HSPA4L: variants seen among roughly 807,000 people sequenced by gnomAD.
The protein encoded by HSPA4L is heat shock 70 kDa protein 4L.
HSPA4L carries 48 observed loss-of-function variants against 100.3 expected under a neutral mutation model. That is an observed-to-expected ratio of 0.48 (90% CI 0.38 to 0.61). The LOEUF (loss-of-function observed/expected upper bound fraction) is 0.61, where lower values mean the gene tolerates loss of function less well. HSPA4L is among the 20% of genes least tolerant of loss of function. The pLI is 0.00. For synonymous variants in HSPA4L, 319 were observed against 328.2 expected (o/e 0.97, Z 0.30); for missense variants, 886 against 988.6 (o/e 0.90, Z 1.39).
At chr4:127,801,939 T>C (rs745848705) in intron 6 of HSPA4L, 21 bp downstream of exon 6, 2 of 1,573,284 alleles carry the variant, frequency 1.3e-6, no homozygotes, top group Non-Finnish European at 1.7e-6. Context: ...ACATGGTTTG[T>C]TATATTTACA....
chr4:127,825,753 C>T (rs1213485992), intron 16 of HSPA4L, among the ~76,000 whole-genome samples: 2 of 151,776 alleles, frequency 1.3e-5, no homozygotes, highest in Admixed American at 1.3e-4. Flanking sequence ...GGTGAAATCC[C>T]ATTTCTACTA....
chr4:127,790,810 G>A (rs1732853857), intron 1 of HSPA4L, among the ~76,000 whole-genome samples: 1 of 152,136 alleles, frequency 6.6e-6, no homozygotes, highest in Non-Finnish European at 1.5e-5. Flanking sequence ...AAAAGCATAT[G>A]AGCTACATAG....
intron 16 of HSPA4L, among the ~76,000 whole-genome samples, chr4:127,825,118 C>T (rs1469150719): frequency 6.1e-5 from 9 of 148,678 alleles, no homozygotes; most frequent in South Asian, 2.1e-4. Flanking sequence ...CCAGCCTGGG[C>T]GACAGAATGA....
intron 3 of HSPA4L, among the ~76,000 whole-genome samples, chr4:127,797,748 C>A (rs562810309): frequency 6.6e-6 from 1 of 151,916 alleles, no homozygotes; most frequent in Non-Finnish European, 1.5e-5. Context: ...ATTACAGGCA[C>A]CTGCCACCAC....
intron 1 of HSPA4L, among the ~76,000 whole-genome samples, chr4:127,791,928 T>C (rs914635542): frequency 1.3e-5 from 2 of 152,218 alleles, no homozygotes; most frequent in African/African-American, 4.8e-5. Flanking sequence ...AACCATGTTT[T>C]CTTTCATTAT....
chr4:127,836,856 G>C lies in HSPA4L; in HGVS notation c.*3982G>C, dbSNP rs1158397741. On this transcript the variant is annotated 3_prime_UTR_variant, in exon 19 of 19. Coordinates refer to ENST00000296464, the MANE Select transcript of HSPA4L (RefSeq NM_014278.4). ...TTGGTAGTCCACAATTAAAGTCATT[G>C]CATTAATTTTACAAATTATAGATTT... is the stretch of plus-strand genomic sequence containing the variant. The C allele has an allele frequency of 6.6e-6, 1 of 152,018 alleles. No homozygotes were observed. The highest frequency in any genetic ancestry group is 1.5e-5 in the Non-Finnish European group (1 of 68,002). 9.4% of individuals were successfully genotyped at this position (152,018 alleles called of 1,614,324 possible).
chr4:127,796,402 T>C (rs1733022424), intron 3 of HSPA4L, among the ~76,000 whole-genome samples: 1 of 152,160 alleles, frequency 6.6e-6, no homozygotes, highest in Non-Finnish European at 1.5e-5. Flanking sequence ...GCTGATTTTT[T>C]TCAAAAACTA....
chr4:127,822,894 A>G lies in HSPA4L; in HGVS notation c.1938A>G (p.Glu646=), dbSNP rs1733850751. The G allele has an allele frequency of 6.2e-7, 1 of 1,612,020 alleles. No individual in the cohort carries two copies. The highest frequency in any genetic ancestry group is 8.5e-7 in the Non-Finnish European group (1 of 1,179,240). Residue 646 remains glutamate, a splice_region_variant and synonymous_variant, in exon 15 of 19, where the codon GAA becomes GAG. Coordinates refer to ENST00000296464, the MANE Select transcript of HSPA4L (RefSeq NM_014278.4). The stretch of plus-strand genomic sequence containing the variant: ...TCTATGAAAAATTCATCACTCCAGA[A>G]GTAAGTCTAAATTCTGTTAATTTTT... ...GTVYEKFITP[E]DLSKLSAVLE... is the part of the protein sequence containing the mutation.
intron 1 of HSPA4L, among the ~76,000 whole-genome samples, chr4:127,786,303 T>C (rs1166320298): frequency 6.6e-6 from 1 of 152,208 alleles, no homozygotes; most frequent in Non-Finnish European, 1.5e-5. Context: ...GTATCCATTG[T>C]TGTAAGGATG....
rs773170757 is a variant in HSPA4L at position 127,822,835 on chromosome 4, T to C, written c.1879T>C (p.Tyr627His). 1.6e-5 allele frequency: 26 copies of C among 1,613,578 alleles called. No individual in the cohort carries two copies. Among genetic ancestry groups the C allele is most frequent in the Non-Finnish European group, 2.0e-5 (24 of 1,179,652 alleles). Residue 627 changes from tyrosine to histidine, a missense_variant, in exon 15 of 19, where the codon TAT (tyrosine) becomes CAT (histidine). By Grantham distance (83) the Tyr-to-His change is moderately conservative. Transcript: ENST00000296464. ...TGATGCTAAGAATGCCGTTGAAGAA[T>C]ATGTATATGATTTTAGAGACAGGCT... ...RNDAKNAVEE[Y>H]VYDFRDRLGT...
intron 11 of HSPA4L, chr4:127,809,396 T>C: frequency 8.2e-7 from 1 of 1,221,672 alleles, no homozygotes; most frequent in Non-Finnish European, 1.2e-6. Flanking sequence ...CTCATGCACA[T>C]TCATTTGGAT....
Position 127,839,601 on chromosome 4 carries a change from G to A in HSPA4L, c.*6727G>A, listed in dbSNP as rs1266914885. Reference sequence around the variant, plus strand: ...CCAGCTATTCGGGAGGCTGAGGCAAGAGAATTGCTTGAACCCGGGAGGTGG... The same window carrying A: ...CCAGCTATTCGGGAGGCTGAGGCAAAAGAATTGCTTGAACCCGGGAGGTGG... On this transcript the variant is annotated 3_prime_UTR_variant, in exon 19 of 19. Coordinates refer to ENST00000296464, the MANE Select transcript of HSPA4L (RefSeq NM_014278.4). The A allele has an allele frequency of 6.6e-6, 1 of 151,982 alleles. No homozygotes were observed. Among genetic ancestry groups the A allele is most frequent in the Non-Finnish European group, 1.5e-5 (1 of 68,024 alleles). The allele number at this position is 151,982 out of a possible 1,614,324, so 9.4% of individuals were successfully genotyped here.
At chr4:127,784,034 A>T (rs559759567) in intron 1 of HSPA4L, among the ~76,000 whole-genome samples, 4 of 152,334 alleles carry the variant, frequency 2.6e-5, no homozygotes, top group African/African-American at 4.8e-5. Flanking sequence ...TCTGGCTTTT[A>T]TGCACAGTGA....
chr4:127,814,820 C>T (rs1733630872), intron 12 of HSPA4L, among the ~76,000 whole-genome samples: 2 of 152,164 alleles, frequency 1.3e-5, no homozygotes, highest in Admixed American at 6.5e-5. Flanking sequence ...CAGCCTCTAC[C>T]TCCCAAAGTG....
chr4:127,794,139 A>T lies in HSPA4L; in HGVS notation c.165+5A>T. ...GGAAATGCAGCAAAGAGCCAGGTAA[A>T]TTGTTAATGTGGATGTTTTGACTTA... On this transcript the variant is annotated splice_donor_5th_base_variant and intron_variant, in intron 2 of 18. Transcript: ENST00000296464. 6.2e-7 allele frequency: 1 copy of T among 1,608,226 alleles called. No homozygotes were observed. Among genetic ancestry groups the T allele is most frequent in the Non-Finnish European group, 8.5e-7 (1 of 1,175,596 alleles).
intron 4 of HSPA4L, among the ~76,000 whole-genome samples, chr4:127,800,020 C>G (rs757104310): frequency 6.6e-6 from 1 of 152,038 alleles, no homozygotes; most frequent in Non-Finnish European, 1.5e-5. Context: ...TGGAAGAGCC[C>G]AAGTTGTTTT....
intron 1 of HSPA4L, among the ~76,000 whole-genome samples, chr4:127,792,445 A>G (rs1406853606): frequency 6.6e-6 from 1 of 152,198 alleles, no homozygotes; most frequent in African/African-American, 2.4e-5. Flanking sequence ...GGCTAGTGCT[A>G]TCCAGTAGAA....
Position 127,821,513 on chromosome 4 carries a change from AAACT to A in HSPA4L, c.1812+952_1812+955del, listed in dbSNP as rs1733814057. On this transcript the variant is annotated intron_variant, in intron 14 of 18. Transcript: ENST00000296464. The stretch of plus-strand genomic sequence containing the variant: ...TTATTTCTTTGCTTTTGTTCATCAT[AAACT>A]AACATCTATAAATACTTTTTATTTT... Among the ~76,000 whole-genome samples the A allele has an allele frequency of 2.6e-5, 4 of 152,156 alleles. No homozygotes were observed. The South Asian group carries it at 8.3e-4, about 32-fold the overall frequency.
At position 127,837,039 on chromosome 4, in the gene HSPA4L, C is replaced by T. The variant is rs191755708; in HGVS notation, c.*4165C>T. On this transcript the variant is annotated 3_prime_UTR_variant, in exon 19 of 19. Coordinates refer to ENST00000296464, the MANE Select transcript of HSPA4L (RefSeq NM_014278.4). The stretch of plus-strand genomic sequence containing the variant: ...CACTGCAGCCTCCACCACCTGAGTT[C>T]AAGCGATTTTTCTGCCTCAACCTCT... 17 of 152,134 alleles carry T rather than the reference C, an allele frequency of 1.1e-4. No homozygotes were observed. Among genetic ancestry groups the T allele is most frequent in the African/African-American group, 3.9e-4 (16 of 41,506 alleles). The allele number at this position is 152,134 out of a possible 1,614,324, so 9.4% of individuals were successfully genotyped here.
Sources: allele counts gnomAD v4.1 joint callset (sites outside exome capture counted in the v4.1 genomes callset), GRCh38; gene constraint gnomAD v4.1.1; transcripts MANE v1.5; gene names NCBI Gene and HGNC (gene_info 2026-07-23, HGNC 2026-07-21).